SRGAP3: variants seen among roughly 807,000 people sequenced by gnomAD.
The protein encoded by SRGAP3 is SLIT-ROBO Rho GTPase activating protein 3.
A neutral mutation model predicts 121.1 loss-of-function variants in SRGAP3; 39 were observed. The observed-to-expected ratio is 0.32, with a 90% CI of 0.25 to 0.42. The LOEUF is 0.42. Ranked by LOEUF, SRGAP3 falls within the 10% of genes least tolerant of loss-of-function variation. The pLI is 1.00. For missense variants in SRGAP3, 1,213 were observed against 1,470.6 expected (o/e 0.82, Z 2.86); for synonymous variants, 601 against 570.0 (o/e 1.05, Z -0.77).
At chr3:9,021,467 C>CA (rs2125057004) in intron 14 of SRGAP3, among the ~76,000 whole-genome samples, 1 of 151,594 alleles carries the variant, frequency 6.6e-6, no homozygotes, top group South Asian at 2.1e-4. Flanking sequence ...AGGGAGAGCT[C>CA]AAAACTTGAG....
At chr3:9,254,697 G>A (rs1954089136) in intron 3 of SRGAP3, among the ~76,000 whole-genome samples, 1 of 152,110 alleles carries the variant, frequency 6.6e-6, no homozygotes, top group South Asian at 2.1e-4. Context: ...TTGGGAGGTT[G>A]AGGTGGGAGA....
rs386395913 is a variant in SRGAP3 at position 9,257,698 on chromosome 3, C to CTTT, written n.442+68309_442+68311dup. ...ACTCACTCATTAAACAAAATAGCTC[C>CTTT]TTTTTTTTTTTTTTTTTTTTTTTTT... On this transcript the variant is annotated intron_variant and non_coding_transcript_variant, in intron 3 of 3. Transcript: ENST00000490889. 6.9e-3 allele frequency among the ~76,000 whole-genome samples: 505 copies of CTTT among 73,230 alleles called. 107 individuals are homozygous for CTTT. Among genetic ancestry groups the CTTT allele is most frequent in the African/African-American group, 0.015 (296 of 19,512 alleles). The allele number at this position is 73,230 out of a possible 152,430, so 48.0% of individuals were successfully genotyped here.
chr3:9,015,901 C>G, intron 14 of SRGAP3, 170 bp from the exon 15 acceptor site: 1 of 679,234 alleles, frequency 1.5e-6, no homozygotes, highest in South Asian at 1.8e-5. Flanking sequence ...GTTCTCCCTG[C>G]AACTTATTTG....
intron 7 of SRGAP3, among the ~76,000 whole-genome samples, chr3:9,057,659 T>C (rs981574237): frequency 6.6e-6 from 1 of 152,200 alleles, no homozygotes; most frequent in African/African-American, 2.4e-5. Flanking sequence ...GAGGGAGCAG[T>C]GACACAGACA....
chr3:9,340,670 T>A (rs1338886251), intron 1 of SRGAP3, among the ~76,000 whole-genome samples: 1 of 151,910 alleles, frequency 6.6e-6, no homozygotes, highest in Non-Finnish European at 1.5e-5. Flanking sequence ...GTAGTTTTTT[T>A]ACTTGCTGGG....
At chr3:9,286,408 C>T (rs1954771669) in intron 3 of SRGAP3, among the ~76,000 whole-genome samples, 1 of 151,880 alleles carries the variant, frequency 6.6e-6, no homozygotes, top group Non-Finnish European at 1.5e-5. Context: ...CACCTATAAT[C>T]CCTGAACTTT....
At chr3:9,297,012 G>A (rs1244713337) in intron 3 of SRGAP3, among the ~76,000 whole-genome samples, 6 of 152,108 alleles carry the variant, frequency 3.9e-5, no homozygotes, top group Non-Finnish European at 8.8e-5. Flanking sequence ...AGCCTCCAAG[G>A]TAGCTGGGAC....
intron 1 of SRGAP3, among the ~76,000 whole-genome samples, chr3:9,209,768 A>G (rs140937741): frequency 6.9e-4 from 105 of 152,378 alleles, no homozygotes; most frequent in African/African-American, 2.3e-3. Context: ...GCATAATGGT[A>G]GAGCCATACA....
chr3:9,070,549 A>G (rs1946653790), intron 4 of SRGAP3, among the ~76,000 whole-genome samples: 1 of 152,218 alleles, frequency 6.6e-6, no homozygotes, highest in Non-Finnish European at 1.5e-5. Context: ...AGATCAAAAG[A>G]TCAGTGGATC....
At chr3:9,011,182 C>T (rs138440244) in intron 17 of SRGAP3, among the ~76,000 whole-genome samples, 14 of 151,796 alleles carry the variant, frequency 9.2e-5, no homozygotes, top group Admixed American at 3.9e-4. Flanking sequence ...GAAAAAAAAC[C>T]GAAGTAAATA....
At chr3:9,078,534 T>TGA (rs1226780157) in intron 4 of SRGAP3, among the ~76,000 whole-genome samples, 3 of 152,132 alleles carry the variant, frequency 2.0e-5, no homozygotes, top group Non-Finnish European at 4.4e-5. Context: ...ATGATGATAG[T>TGA]GACACTCAGA....
intron 3 of SRGAP3, among the ~76,000 whole-genome samples, chr3:9,313,094 C>T (rs1379482516): frequency 6.6e-6 from 1 of 152,180 alleles, no homozygotes; most frequent in Non-Finnish European, 1.5e-5. Flanking sequence ...CTGCAATCTA[C>T]CCATGTTCCC....
chr3:9,295,172 A>T (rs1017691775), intron 3 of SRGAP3, among the ~76,000 whole-genome samples: 1 of 152,074 alleles, frequency 6.6e-6, no homozygotes, highest in Non-Finnish European at 1.5e-5. Context: ...CTGATTGAAT[A>T]ACAGGGTTAA....
intron 3 of SRGAP3, among the ~76,000 whole-genome samples, chr3:9,309,235 T>C (rs1057050418): frequency 6.6e-6 from 1 of 152,210 alleles, no homozygotes; most frequent in Non-Finnish European, 1.5e-5. Flanking sequence ...ACCAGCAGAA[T>C]TGCCTAGTCA....
chr3:9,254,857 A>T (rs1954093619), intron 3 of SRGAP3, among the ~76,000 whole-genome samples: 1 of 148,930 alleles, frequency 6.7e-6, no homozygotes, highest in Admixed American at 6.7e-5. Flanking sequence ...GAGGGAGGGA[A>T]GGAAAGAGAG....
Position 8,994,782 on chromosome 3 carries a change from C to T in SRGAP3, c.2228-259G>A, listed in dbSNP as rs146996220. Among the ~76,000 whole-genome samples the T allele has an allele frequency of 3.0e-3, 455 of 152,312 alleles. 1 individual carries two copies. Among genetic ancestry groups the T allele is most frequent in the Non-Finnish European group, 5.7e-3 (389 of 68,028 alleles). ...TGATACATGCTCCTTTTCCACTGCCCTTCTTGTTCTCTACTTTTTAATGCT... is the reference window on the plus strand; with the variant it reads ...TGATACATGCTCCTTTTCCACTGCCTTTCTTGTTCTCTACTTTTTAATGCT... On this transcript the variant is annotated intron_variant, in intron 18 of 21. Coordinates refer to ENST00000383836, the MANE Select transcript of SRGAP3 (RefSeq NM_014850.4).
intron 14 of SRGAP3, among the ~76,000 whole-genome samples, chr3:9,016,184 C>T (rs549027866): frequency 6.6e-5 from 10 of 152,332 alleles, no homozygotes; most frequent in African/African-American, 2.4e-4. Context: ...ATCTCATATA[C>T]AGCCCACATT....
chr3:9,140,317 G>A (rs1156880377), intron 1 of SRGAP3, among the ~76,000 whole-genome samples: 1 of 152,172 alleles, frequency 6.6e-6, no homozygotes, highest in African/African-American at 2.4e-5. Context: ...CATACAAATA[G>A]CCTTGGAAAA....
At chr3:9,064,856 AAT>A (rs1338205628) in intron 4 of SRGAP3, among the ~76,000 whole-genome samples, 10 of 98,524 alleles carry the variant, frequency 1.0e-4, no homozygotes, top group African/African-American at 4.1e-4. Context: ...GAAATTAAAA[AAT>A]AATAATAAAT....
Sources: allele counts gnomAD v4.1 joint callset (sites outside exome capture counted in the v4.1 genomes callset), GRCh38; gene constraint gnomAD v4.1.1; transcripts MANE v1.5; gene names NCBI Gene and HGNC (gene_info 2026-07-23, HGNC 2026-07-21).